ATP10A: variants seen among roughly 807,000 people sequenced by gnomAD.
ATP10A encodes phospholipid-transporting ATPase VA.
A neutral mutation model predicts 147.8 loss-of-function variants in ATP10A; 111 were observed. The observed-to-expected ratio is 0.75, with a 90% CI of 0.64 to 0.88. The LOEUF is 0.88. Among genes scored for constraint, ATP10A ranks in the 40% least tolerant of loss-of-function variants. The probability of loss-of-function intolerance (pLI) is 0.00; values close to 1 mark genes in which losing one functional copy is unlikely to be tolerated. For missense variants in ATP10A, 1,927 were observed against 1,959.0 expected (o/e 0.98, Z 0.31); for synonymous variants, 875 against 841.6 (o/e 1.04, Z -0.69).
At position 25,715,260 on chromosome 15, in the gene ATP10A, G is replaced by A. The variant is rs537749164; in HGVS notation, c.1777-1019C>T. 5.3e-5 allele frequency among the ~76,000 whole-genome samples: 8 copies of A among 152,274 alleles called. No homozygotes were observed. In the East Asian group the frequency reaches 5.8e-4, roughly 11 times the overall value. On this transcript the variant is annotated intron_variant, in intron 9 of 20. Coordinates refer to ENST00000555815, the MANE Select transcript of ATP10A (RefSeq NM_024490.4). ...TTGGTCTTGTTATGACTTTAAATAC[G>A]CTACATAGCCAGCTGGGAGACATAG...
At chr15:25,863,443 A>G (rs545383853), upstream of ATP10A, among the ~76,000 whole-genome samples, 15 of 152,156 alleles carry the variant, frequency 9.9e-5, no homozygotes, top group Non-Finnish European at 1.9e-4. Context: ...GCCACGCCGG[A>G]TAGCGGGAAA....
At chr15:25,786,424 C>T (rs11636393) in intron 1 of ATP10A, among the ~76,000 whole-genome samples, 57,112 of 151,870 alleles carry the variant, frequency 0.38, 10,939 homozygotes, top group East Asian at 0.6. Flanking sequence ...AGTCCTCTTG[C>T]GCATCACTCA....
At chr15:25,822,360 T>G (rs1891928319) in intron 1 of ATP10A, among the ~76,000 whole-genome samples, 1 of 152,202 alleles carries the variant, frequency 6.6e-6, no homozygotes, top group Non-Finnish European at 1.5e-5. Context: ...CTATGTTTTT[T>G]CAGCATTTCA....
chr15:25,686,247 T>C (rs1596682010), intron 16 of ATP10A, among the ~76,000 whole-genome samples: 1 of 109,674 alleles, frequency 9.1e-6, no homozygotes, highest in South Asian at 2.9e-4. Flanking sequence ...AAGGCAGGTG[T>C]AGCCTCCAGA....
intron 12 of ATP10A, 66 bp downstream of exon 12, chr15:25,707,908 TCA>T: frequency 6.3e-7 from 1 of 1,580,154 alleles, no homozygotes; most frequent in Non-Finnish European, 8.6e-7. Flanking sequence ...ACAAGAGCAC[TCA>T]CCCCTCCAGG....
At chr15:25,817,034 T>C (rs1382654579) in intron 1 of ATP10A, among the ~76,000 whole-genome samples, 1 of 152,210 alleles carries the variant, frequency 6.6e-6, no homozygotes, top group Non-Finnish European at 1.5e-5. Flanking sequence ...ATACTATCTA[T>C]AATGCAACTT....
chr15:25,794,465 T>A (rs1389425245), intron 1 of ATP10A, among the ~76,000 whole-genome samples: 1 of 151,946 alleles, frequency 6.6e-6, no homozygotes, highest in African/African-American at 2.4e-5. Flanking sequence ...GGCTACAGAG[T>A]ATGATCAGTA....
chr15:25,754,135 G>GTTGTTTGT (rs933095790), intron 2 of ATP10A, among the ~76,000 whole-genome samples: 1 of 151,890 alleles, frequency 6.6e-6, no homozygotes, highest in Non-Finnish European at 1.5e-5. Flanking sequence ...TTTGTTTTTG[G>GTTGTTTGT]TTGTTTGTTT....
chr15:25,725,450 T>C (rs1389674074), intron 5 of ATP10A, among the ~76,000 whole-genome samples: 2 of 152,092 alleles, frequency 1.3e-5, no homozygotes, highest in Non-Finnish European at 2.9e-5. Context: ...CAACCCCCCA[T>C]GGATACCGAA....
At position 25,863,067 on chromosome 15, in the gene ATP10A, C is replaced by T; in HGVS notation, c.30G>A (p.Glu10=). The T allele has an allele frequency of 2.4e-6, 3 of 1,234,434 alleles. No homozygotes were observed. Among genetic ancestry groups the T allele is most frequent in the Non-Finnish European group, 3.0e-6 (3 of 991,572 alleles). The allele number at this position is 1,234,434 out of a possible 1,614,324, so 76.5% of individuals were successfully genotyped here. A position where few individuals can be genotyped will look rare whatever the true frequency, so the allele number is the denominator to read the frequency against. MEREPAGTE[E]PGPPGRRRRR... ...GCCTCCGCCGTCCCGGAGGCCCGGG[C>T]TCCTCGGTCCCCGCCGGCTCCCGCT... The change falls in exon 1 of 21, where the codon GAG becomes GAA. Residue 10 remains glutamate (E), a synonymous_variant. Coordinates refer to ENST00000555815, the MANE Select transcript of ATP10A (RefSeq NM_024490.4).
At chr15:25,806,345 C>T (rs888278530) in intron 1 of ATP10A, among the ~76,000 whole-genome samples, 3 of 129,376 alleles carry the variant, frequency 2.3e-5, no homozygotes, top group Admixed American at 8.2e-5. Context: ...TGGAGTCTTG[C>T]TCTGTCGCCC....
At chr15:25,684,367 G>T (rs980565573) in intron 16 of ATP10A, among the ~76,000 whole-genome samples, 2 of 152,166 alleles carry the variant, frequency 1.3e-5, no homozygotes, top group Non-Finnish European at 2.9e-5. Flanking sequence ...CCTCAGTCTC[G>T]CTTTCCTTGC....
intron 10 of ATP10A, among the ~76,000 whole-genome samples, chr15:25,711,811 A>C (rs554816874): frequency 2.6e-5 from 4 of 152,298 alleles, no homozygotes; most frequent in African/African-American, 9.6e-5. Flanking sequence ...TGACGATGCC[A>C]GGTCTGAGAG....
rs1417430281 is a variant in ATP10A, at chr15:25,702,519, T to C, written c.2576-419A>G. Among the ~76,000 whole-genome samples, 2 of 152,148 alleles carry C rather than the reference T, an allele frequency of 1.3e-5. 1 individual carries two copies. ...ATAGTCTTAAAAATTGCCCATCCCA[T>C]AGAAAGCTTCTGGTGAATGAAATTC... is the stretch of plus-strand genomic sequence containing the variant. On this transcript the variant is annotated intron_variant, in intron 12 of 20. Coordinates refer to ENST00000555815, the MANE Select transcript of ATP10A (RefSeq NM_024490.4).
intron 2 of ATP10A, among the ~76,000 whole-genome samples, chr15:25,774,988 A>G (rs1483956260): frequency 1.3e-5 from 2 of 152,198 alleles, no homozygotes; most frequent in African/African-American, 2.4e-5. Context: ...CCTTGAATGT[A>G]TAAGAGAAAA....
chr15:25,838,846 G>A (rs1255646377), intron 1 of ATP10A, among the ~76,000 whole-genome samples: 5 of 152,076 alleles, frequency 3.3e-5, no homozygotes, highest in African/African-American at 9.7e-5. Flanking sequence ...TATGGTGAGC[G>A]AGCAGTGTGT....
intron 1 of ATP10A, among the ~76,000 whole-genome samples, chr15:25,791,354 TTTC>T (rs568640667): frequency 1.2e-3 from 189 of 152,068 alleles, no homozygotes; most frequent in African/African-American, 4.2e-3. Context: ...TCTTTCTTTT[TTTC>T]TTCTTCTTCT....
intron 1 of ATP10A, among the ~76,000 whole-genome samples, chr15:25,840,903 T>C (rs1352984232): frequency 6.6e-6 from 1 of 152,208 alleles, no homozygotes; most frequent in Non-Finnish European, 1.5e-5. Flanking sequence ...TGTAAAGATG[T>C]TGAACATCTT....
chr15:25,845,782 A>G (rs540381797), intron 1 of ATP10A, among the ~76,000 whole-genome samples: 1 of 152,282 alleles, frequency 6.6e-6, no homozygotes, highest in East Asian at 1.9e-4. Context: ...CCACCCCAAC[A>G]AAGCCGTCCC....
Sources: gnomAD v4.1 joint callset for allele counts (sites outside exome capture counted in the v4.1 genomes callset) on GRCh38, gnomAD v4.1.1 for gene constraint, MANE v1.5 for transcripts, NCBI Gene and HGNC (gene_info 2026-07-23, HGNC 2026-07-21) for gene names.